ST7L: variants seen among roughly 807,000 people sequenced by gnomAD.
The protein encoded by ST7L is suppressor of tumorigenicity 7 protein-like.
A neutral mutation model predicts 72.5 loss-of-function variants in ST7L; 57 were observed. The observed-to-expected ratio is 0.79, with a 90% CI of 0.64 to 0.98. The LOEUF (loss-of-function observed/expected upper bound fraction) is 0.98. ST7L is among the 50% of genes least tolerant of loss of function. ST7L has a pLI of 0.00. For missense variants in ST7L, 576 were observed against 672.2 expected, an observed-to-expected ratio of 0.86 and a Z score of 1.58; for synonymous variants, 221 against 240.9, an observed-to-expected ratio of 0.92 and a Z score of 0.77.
At chr1:112,609,075 C>T (rs1430913030) in intron 3 of ST7L, among the ~76,000 whole-genome samples, 3 of 152,066 alleles carry the variant, frequency 2.0e-5, no homozygotes, top group Non-Finnish European at 1.5e-5. Flanking sequence ...ACCTGTAATT[C>T]CAACATTTTG....
chr1:112,554,971 T>G (rs1384544783), intron 12 of ST7L, among the ~76,000 whole-genome samples: 1 of 152,156 alleles, frequency 6.6e-6, no homozygotes, highest in Non-Finnish European at 1.5e-5. Context: ...TGCCAAGGGC[T>G]AGAGGGAGGC....
intron 11 of ST7L, among the ~76,000 whole-genome samples, chr1:112,574,169 G>A (rs1348834122): frequency 2.7e-5 from 4 of 147,964 alleles, no homozygotes; most frequent in South Asian, 2.2e-4. Context: ...CACCCACCTC[G>A]GCCTCCCAAA....
intron 11 of ST7L, among the ~76,000 whole-genome samples, chr1:112,569,967 A>AAC (rs1338027278): frequency 1.3e-5 from 2 of 151,466 alleles, no homozygotes; most frequent in African/African-American, 4.8e-5. Flanking sequence ...CAAAAAAAAA[A>AAC]AAAAAAACAA....
At chr1:112,549,348 G>A (rs187278300) in intron 13 of ST7L, among the ~76,000 whole-genome samples, 1 of 152,268 alleles carries the variant, frequency 6.6e-6, no homozygotes, top group Admixed American at 6.5e-5. Context: ...AGCTGAGATT[G>A]CGCCACTGCA....
chr1:112,618,725 A>G (rs1670353007), intron 1 of ST7L, 184 bp downstream of exon 1: 2 of 1,289,834 alleles, frequency 1.6e-6, no homozygotes, highest in African/African-American at 1.5e-5. Context: ...AGGAGCCGGT[A>G]ACGGCAGCAG....
At chr1:112,607,302 A>G (rs913725055) in intron 3 of ST7L, 1 of 152,226 alleles carries the variant, frequency 6.6e-6, no homozygotes. Flanking sequence ...ATGTTGAAAG[A>G]AAAGAAGACA....
At position 112,618,893 on chromosome 1, in the gene ST7L, G is replaced by C; in HGVS notation, c.205+16C>G. 1 of 1,552,864 alleles carries C rather than the reference G, an allele frequency of 6.4e-7. No individual in the cohort carries two copies. Among genetic ancestry groups the C allele is most frequent in the Non-Finnish European group, 8.7e-7 (1 of 1,147,752 alleles). On this transcript the variant is annotated intron_variant, in intron 1 of 14. Coordinates refer to ENST00000358039, the MANE Select transcript of ST7L (RefSeq NM_017744.5). Reference sequence around the variant, plus strand: ...CCTGGCCCCCCGCCCTGCCCCAGGAGGTCTGGTCCTCTCACCCGCTGCCAA... The same window carrying C: ...CCTGGCCCCCCGCCCTGCCCCAGGACGTCTGGTCCTCTCACCCGCTGCCAA...
chr1:112,615,346 C>T (rs1330100128), intron 2 of ST7L, among the ~76,000 whole-genome samples: 3 of 152,136 alleles, frequency 2.0e-5, no homozygotes, highest in Non-Finnish European at 4.4e-5. Flanking sequence ...AGTGTACATT[C>T]TGAACCAGCT....
intron 14 of ST7L, chr1:112,530,217 T>G (rs546230499): frequency 6.6e-6 from 1 of 152,360 alleles, no homozygotes; most frequent in South Asian, 2.1e-4. Flanking sequence ...TCTTCCTTTC[T>G]TCTACTGCAA....
intron 11 of ST7L, 88 bp from the exon 12 acceptor site, chr1:112,556,106 G>C (rs1012900376): frequency 1.9e-6 from 2 of 1,036,756 alleles, no homozygotes; most frequent in Non-Finnish European, 2.5e-6. Context: ...CAAAAATGTA[G>C]ATTCAAAGTG....
At position 112,619,116 on chromosome 1, in the gene ST7L, T is replaced by C. The variant is rs1670443368; in HGVS notation, c.-3A>G. 6.2e-7 allele frequency: 1 copy of C among 1,613,132 alleles called. No individual in the cohort carries two copies. The highest frequency in any genetic ancestry group is 8.5e-7 in the Non-Finnish European group (1 of 1,179,686). On this transcript the variant is annotated 5_prime_UTR_variant, in exon 1 of 15. Coordinates refer to ENST00000358039, the MANE Select transcript of ST7L (RefSeq NM_017744.5). ...CCCACGCCGCCACGGTCCGCCATCT[T>C]GCCGCTATCGCAGGCGCCAGGAGCT...
chr1:112,588,917 CAT>C (rs777646923), intron 6 of ST7L, among the ~76,000 whole-genome samples: 11 of 152,246 alleles, frequency 7.2e-5, no homozygotes, highest in African/African-American at 9.6e-5. Flanking sequence ...AGACTCTGGT[CAT>C]ATTTCTTTAC....
downstream of ST7L, among the ~76,000 whole-genome samples, chr1:112,518,644 G>A (rs1369613074): frequency 6.6e-6 from 1 of 152,160 alleles, no homozygotes; most frequent in Admixed American, 6.5e-5. Context: ...CATAACATCT[G>A]AGGTGTAAAC....
intron 12 of ST7L, among the ~76,000 whole-genome samples, chr1:112,555,109 T>G (rs2101595024): frequency 6.6e-6 from 1 of 152,340 alleles, no homozygotes; most frequent in Non-Finnish European, 1.5e-5. Flanking sequence ...AACTATATAC[T>G]TAAAATAGTT....
intron 3 of ST7L, among the ~76,000 whole-genome samples, chr1:112,605,757 G>C (rs903482404): frequency 6.6e-6 from 1 of 152,004 alleles, no homozygotes; most frequent in African/African-American, 2.4e-5. Flanking sequence ...AGGCCTACTG[G>C]GGTGGCAGTG....
intron 11 of ST7L, 98 bp downstream of exon 11, chr1:112,576,888 T>G (rs1278393785): frequency 1.2e-6 from 1 of 852,762 alleles, no homozygotes; most frequent in African/African-American, 1.7e-5. Flanking sequence ...TTAAAACAAT[T>G]CTGCACCAAA....
intron 14 of ST7L, among the ~76,000 whole-genome samples, chr1:112,537,479 T>A (rs1478596228): frequency 6.6e-6 from 1 of 152,132 alleles, no homozygotes; most frequent in Non-Finnish European, 1.5e-5. Flanking sequence ...GCAAGAGAAA[T>A]TAAAGGGGCC....
intron 13 of ST7L, among the ~76,000 whole-genome samples, chr1:112,546,897 C>T (rs935734602): frequency 6.6e-6 from 1 of 151,360 alleles, no homozygotes. Flanking sequence ...AAAATATAGA[C>T]TTGTATGTAT....
In ST7L at chr1:112,523,904, A is replaced by T. The variant is rs1415899451; in HGVS notation, c.*2109T>A. On this transcript the variant is annotated 3_prime_UTR_variant, in exon 15 of 15. Coordinates refer to ENST00000358039, the MANE Select transcript of ST7L (RefSeq NM_017744.5). ...GCCTTAACCTAGCCCTGCAGATAAA[A>T]GCTAACTTTTATTAATACCAGCCCT... 1 of 152,062 alleles carries T rather than the reference A, an allele frequency of 6.6e-6. No individual in the cohort carries two copies. 9.4% of individuals were successfully genotyped at this position (152,062 alleles called of 1,614,324 possible). A position where few individuals can be genotyped will look rare whatever the true frequency, so the allele number is the denominator to read the frequency against.
Sources: gnomAD v4.1 joint callset for allele counts (sites outside exome capture counted in the v4.1 genomes callset) on GRCh38, gnomAD v4.1.1 for gene constraint, MANE v1.5 for transcripts, NCBI Gene and HGNC (gene_info 2026-07-23, HGNC 2026-07-21) for gene names.